ALOXE3: variants seen among roughly 807,000 people sequenced by gnomAD.
ALOXE3 encodes the protein hydroperoxide isomerase ALOXE3.
In ALOXE3, 78 loss-of-function variants were observed where a neutral mutation model predicts 87.5. The observed-to-expected ratio is 0.89, with a 90% CI of 0.74 to 1.08. ALOXE3 has a LOEUF of 1.08. Among genes scored for constraint, ALOXE3 ranks in the 50% least tolerant of loss-of-function variants. The pLI is 0.00. For missense variants in ALOXE3, 946 were observed against 912.4 expected (o/e 1.04, Z -0.47); for synonymous variants, 363 against 370.8 (o/e 0.98, Z 0.24).
At chr17:8,096,833 G>T (rs1370178834) in intron 15 of ALOXE3, 27 bp from the exon 16 acceptor site, 1 of 1,611,372 alleles carries the variant, frequency 6.2e-7, no homozygotes, top group Non-Finnish European at 8.5e-7. Context: ...TAAGAGGTCA[G>T]GATGACATTC....
rs763821603 is a variant in ALOXE3 at position 8,103,352 on chromosome 17, A to C, written c.1927T>G (p.Trp643Gly). 5.6e-6 allele frequency: 9 copies of C among 1,613,890 alleles called. No homozygotes were observed. The highest frequency in any genetic ancestry group is 1.3e-5 in the African/African-American group (1 of 74,892). The change falls in exon 15 of 16, where the codon TGG becomes GGG. Residue 643 changes from tryptophan to glycine, a missense_variant. Trp to Gly is a radical substitution (Grantham distance 184, BLOSUM62 -2). Transcript: ENST00000448843. ...TCCTTGGGTTCTTGGCTAACCAACC[A>C]GAAGAGGAGGAGGTTGTTACAGCTG... ...NISCNNLLLF[W>G]LVSQEPKDQR...
At chr17:8,097,142 A>T (rs926598668) in intron 15 of ALOXE3, among the ~76,000 whole-genome samples, 2 of 152,052 alleles carry the variant, frequency 1.3e-5, no homozygotes, top group South Asian at 2.1e-4. Context: ...AGAAAAAAAA[A>T]TTTTTGAGGC....
At chr17:8,112,277 G>C in intron 6 of ALOXE3, 81 bp from the exon 7 acceptor site, 1 of 1,049,606 alleles carries the variant, frequency 9.5e-7, no homozygotes, top group Non-Finnish European at 1.5e-6. Context: ...CTGCCTGGAG[G>C]AACTGACGGG....
intron 2 of ALOXE3, among the ~76,000 whole-genome samples, chr17:8,117,245 C>T (rs1219897482): frequency 6.6e-6 from 1 of 152,158 alleles, no homozygotes; most frequent in African/African-American, 2.4e-5. Flanking sequence ...CCGATGAAAC[C>T]GCTTCTCTAC....
At chr17:8,098,246 T>TG (rs2151828815) in intron 15 of ALOXE3, among the ~76,000 whole-genome samples, 1 of 141,070 alleles carries the variant, frequency 7.1e-6, no homozygotes, top group South Asian at 2.4e-4. Context: ...TTTTTTTTTT[T>TG]TTTTTTTTTT....
chr17:8,113,990 A>C (rs1042004184), intron 6 of ALOXE3, among the ~76,000 whole-genome samples: 1 of 148,456 alleles, frequency 6.7e-6, no homozygotes, highest in East Asian at 2.0e-4. Context: ...GCGGCACTGC[A>C]CTCCAGCCTG....
intron 15 of ALOXE3, among the ~76,000 whole-genome samples, chr17:8,098,503 G>A (rs1377827171): frequency 6.6e-6 from 1 of 152,046 alleles, no homozygotes; most frequent in Non-Finnish European, 1.5e-5. Context: ...GCCTCCCAAA[G>A]TGCTGAGATT....
chr17:8,114,720 C>T, intron 5 of ALOXE3, 111 bp from the exon 6 acceptor site: 1 of 1,527,648 alleles, frequency 6.5e-7, no homozygotes, highest in Non-Finnish European at 9.0e-7. Flanking sequence ...TCTCTTACTC[C>T]CGGCTCCTCC....
At position 8,116,941 on chromosome 17, in the gene ALOXE3, C is replaced by T. The variant is rs1391179915; in HGVS notation, c.187G>A (p.Glu63Lys). The change falls in exon 3 of 16, where the codon GAG becomes AAG. Residue 63 changes from glutamate (E) to lysine (K), a missense_variant. Physicochemically the swap from Glu to Lys is moderately conservative, Grantham distance 56. Transcript: ENST00000448843. ...TTGTGTACACGCAGCAGCAAGAGCT[C>T]ACCCAGCTCCGCTGTGCAACGCACC... Reference protein sequence around the residue: ...YKVRCTAELGELLLLRVHKER... With the variant: ...YKVRCTAELGKLLLLRVHKER... The T allele has an allele frequency of 1.2e-6, 2 of 1,614,094 alleles. No homozygotes were observed. The highest frequency in any genetic ancestry group is 1.7e-5 in the Admixed American group (1 of 60,004).
intron 15 of ALOXE3, among the ~76,000 whole-genome samples, chr17:8,097,747 CTTT>C (rs60450170): frequency 8.5e-5 from 11 of 129,416 alleles, no homozygotes; most frequent in Admixed American, 8.0e-5. Context: ...TACTACTGAT[CTTT>C]TTTTTTTTTT....
intron 15 of ALOXE3, among the ~76,000 whole-genome samples, chr17:8,102,703 C>A (rs369800013): frequency 1.6e-4 from 25 of 152,166 alleles, no homozygotes; most frequent in African/African-American, 5.8e-4. Context: ...ACTTGTCCTG[C>A]AGATTTCAAC....
intron 15 of ALOXE3, among the ~76,000 whole-genome samples, chr17:8,097,745 A>ATCTT (rs1400925850): frequency 4.4e-5 from 6 of 134,946 alleles, no homozygotes; most frequent in African/African-American, 1.4e-4. Flanking sequence ...AATACTACTG[A>ATCTT]TCTTTTTTTT....
chr17:8,108,443 G>C lies in ALOXE3; in HGVS notation c.1684+25C>G, dbSNP rs780092571. ...AAGTGCTAGCTCATCAGAGCTACACGGAAAGTGGGATAGAGAGGGGATACC... is the reference window on the plus strand; with the variant it reads ...AAGTGCTAGCTCATCAGAGCTACACCGAAAGTGGGATAGAGAGGGGATACC... On this transcript the variant is annotated intron_variant, in intron 13 of 15. Transcript: ENST00000448843. 14 of 1,610,346 alleles carry C rather than the reference G, an allele frequency of 8.7e-6. No homozygotes were observed. In the South Asian group the frequency reaches 1.1e-4, roughly 13 times the overall value.
chr17:8,100,745 A>G (rs1182092700), intron 15 of ALOXE3, among the ~76,000 whole-genome samples: 1 of 152,140 alleles, frequency 6.6e-6, no homozygotes, highest in Non-Finnish European at 1.5e-5. Flanking sequence ...CGGCCTCCTG[A>G]GTAGCTGGGA....
intron 11 of ALOXE3, 123 bp downstream of exon 11, chr17:8,109,793 C>T: frequency 1.0e-6 from 1 of 967,494 alleles, no homozygotes; most frequent in Admixed American, 2.2e-5. Context: ...AGTGATTGTA[C>T]AGGTGTTCTC....
At chr17:8,098,640 A>G (rs192106536) in intron 15 of ALOXE3, among the ~76,000 whole-genome samples, 3 of 152,304 alleles carry the variant, frequency 2.0e-5, no homozygotes, top group Non-Finnish European at 4.4e-5. Flanking sequence ...TTTTCAGCAC[A>G]TATTGAGATA....
In ALOXE3 at chr17:8,109,246, G is replaced by T; in HGVS notation, c.1490C>A (p.Ala497Asp). Reference sequence around the variant, plus strand: ...GTTGGGGATAGCCAGGACGCCGCGGGCCCGCAGGCTGTCCGGAAGGCAGAA... The same window carrying T: ...GTTGGGGATAGCCAGGACGCCGCGGTCCCGCAGGCTGTCCGGAAGGCAGAA... ...TNFCLPDSLR[A>D]RGVLAIPNYH... Residue 497 changes from alanine (A) to aspartate (D), a missense_variant, in exon 12 of 16, where the codon GCC becomes GAC. Physicochemically the swap from Ala to Asp is moderately radical, Grantham distance 126 (BLOSUM62 -2). Coordinates refer to ENST00000448843, the MANE Select transcript of ALOXE3 (RefSeq NM_021628.3). 1 of 1,614,102 alleles carries T rather than the reference G, an allele frequency of 6.2e-7. No homozygotes were observed. Among genetic ancestry groups the T allele is most frequent in the Non-Finnish European group, 8.5e-7 (1 of 1,180,046 alleles).
Position 8,103,312 on chromosome 17 carries a change from C to G in ALOXE3, c.1956+11G>C, listed in dbSNP as rs373032438. On this transcript the variant is annotated intron_variant, in intron 15 of 15. Coordinates refer to ENST00000448843, the MANE Select transcript of ALOXE3 (RefSeq NM_021628.3). Reference sequence around the variant, plus strand: ...AAGAACCCTACTCCCCTCAACATCCCGTATACACACCTGGTCCTTGGGTTC... The same window carrying G: ...AAGAACCCTACTCCCCTCAACATCCGGTATACACACCTGGTCCTTGGGTTC... 1 of 1,613,224 alleles carries G rather than the reference C, an allele frequency of 6.2e-7. No individual in the cohort carries two copies. Among genetic ancestry groups the G allele is most frequent in the African/African-American group, 1.3e-5 (1 of 74,892 alleles).
In ALOXE3 at chr17:8,112,138, C is replaced by G. The variant is rs1230784048; in HGVS notation, c.739G>C (p.Asp247His). The change falls in exon 7 of 16, where the codon GAT becomes CAT. Residue 247 changes from aspartate (D) to histidine (H), a missense_variant. Asp to His is a moderately conservative substitution (Grantham distance 81). Transcript: ENST00000448843. The part of the protein sequence containing the change: ...LDRKGSWKKL[D>H]DMQNIFWCHK... ...CACCAGAAGATGTTCTGCATGTCAT[C>G]CAGCTTCTTCCAGGAGCCCTTGCGA... 8 of 1,614,158 alleles carry G rather than the reference C, an allele frequency of 5.0e-6. No homozygotes were observed. The South Asian group carries it at 7.7e-5, about 16-fold the overall frequency.
Sources: allele counts gnomAD v4.1 joint callset (sites outside exome capture counted in the v4.1 genomes callset), GRCh38; gene constraint gnomAD v4.1.1; transcripts MANE v1.5; gene names NCBI Gene and HGNC (gene_info 2026-07-23, HGNC 2026-07-21).